The following CNTN4 variants were observed in gnomAD, a reference collection of about 807,000 sequenced individuals.
CNTN4 encodes the protein contactin 4.
CNTN4 carries 77 observed loss-of-function variants against 122.5 expected under a neutral mutation model. The observed-to-expected ratio is 0.63, with a 90% CI of 0.52 to 0.76. CNTN4 has a LOEUF of 0.76. Ranked by LOEUF, CNTN4 falls within the 30% of genes least tolerant of loss-of-function variation. CNTN4 has a pLI of 0.00. For missense variants in CNTN4, 1,256 were observed against 1,259.1 expected (o/e 1.00, Z 0.04); for synonymous variants, 512 against 447.0 (o/e 1.15, Z -1.83).
intron 3 of CNTN4, among the ~76,000 whole-genome samples, chr3:2,351,545 T>A (rs1306543025): frequency 6.6e-6 from 1 of 152,234 alleles, no homozygotes; most frequent in African/African-American, 2.4e-5. Context: ...TAAATATGTA[T>A]GATCTCACTT....
At chr3:2,414,216 T>G (rs1471919672) in intron 3 of CNTN4, among the ~76,000 whole-genome samples, 1 of 152,202 alleles carries the variant, frequency 6.6e-6, no homozygotes, top group Non-Finnish European at 1.5e-5. Context: ...TGATGATACT[T>G]GAATTATTTA....
intron 2 of CNTN4, among the ~76,000 whole-genome samples, chr3:2,216,520 A>G (rs939791079): frequency 6.6e-6 from 1 of 152,106 alleles, no homozygotes; most frequent in Non-Finnish European, 1.5e-5. Context: ...CTTCACATGT[A>G]CCCCGAACCT....
At chr3:2,232,190 G>A (rs192013339) in intron 2 of CNTN4, among the ~76,000 whole-genome samples, 6 of 152,170 alleles carry the variant, frequency 3.9e-5, no homozygotes, top group South Asian at 2.1e-4. Flanking sequence ...ACCAGAAATT[G>A]TGCTTATTTT....
At chr3:2,140,576 A>G (rs768386014) in intron 2 of CNTN4, among the ~76,000 whole-genome samples, 4 of 152,142 alleles carry the variant, frequency 2.6e-5, no homozygotes, top group Non-Finnish European at 5.9e-5. Flanking sequence ...AGCCTCTTTT[A>G]TAAGGGCGCT....
intron 2 of CNTN4, among the ~76,000 whole-genome samples, chr3:2,195,969 TACTC>T (rs143088868): frequency 4.9e-4 from 75 of 152,330 alleles, no homozygotes; most frequent in African/African-American, 1.5e-3. Context: ...TTTTGATAAA[TACTC>T]ACATGTTTGT....
chr3:2,762,965 T>G (rs6778928), intron 6 of CNTN4, among the ~76,000 whole-genome samples: 90,226 of 133,934 alleles, frequency 0.67, 32,478 homozygotes, highest in Non-Finnish European at 0.79. Context: ...TTTTTTAGAC[T>G]GAGTCTCGCT....
chr3:2,262,700 G>T (rs896607467), intron 2 of CNTN4, among the ~76,000 whole-genome samples: 4 of 149,866 alleles, frequency 2.7e-5, no homozygotes, highest in African/African-American at 4.9e-5. Flanking sequence ...GACTCAAGAT[G>T]ACTTTAAATA....
At chr3:2,700,751 T>G (rs997723342) in intron 4 of CNTN4, among the ~76,000 whole-genome samples, 4 of 152,206 alleles carry the variant, frequency 2.6e-5, no homozygotes, top group Non-Finnish European at 4.4e-5. Context: ...GGATATTCAA[T>G]TAAACCTTCC....
intron 13 of CNTN4, among the ~76,000 whole-genome samples, chr3:2,941,899 C>T (rs973355174): frequency 2.6e-5 from 4 of 152,184 alleles, no homozygotes; most frequent in East Asian, 1.9e-4. Context: ...CTCTCCCTAC[C>T]TGTACGTGCC....
intron 2 of CNTN4, among the ~76,000 whole-genome samples, chr3:2,127,962 C>T (rs539061953): frequency 6.6e-6 from 1 of 152,262 alleles, no homozygotes; most frequent in East Asian, 1.9e-4. Context: ...TCAAGCAGAG[C>T]GAGGAAAATA....
At chr3:3,047,540 C>A (rs13062608) in intron 23 of CNTN4, among the ~76,000 whole-genome samples, 2 of 144,128 alleles carry the variant, frequency 1.4e-5, no homozygotes, top group Admixed American at 7.0e-5. Flanking sequence ...GGGTACATAA[C>A]GAAATGAAGG....
intron 3 of CNTN4, among the ~76,000 whole-genome samples, chr3:2,549,295 C>G (rs2078381626): frequency 6.6e-6 from 1 of 152,104 alleles, no homozygotes; most frequent in South Asian, 2.1e-4. Flanking sequence ...AAAGGGAATG[C>G]TTCCAGCTTT....
chr3:2,687,549 G>A (rs192534049), intron 4 of CNTN4, among the ~76,000 whole-genome samples: 1 of 152,110 alleles, frequency 6.6e-6, no homozygotes, highest in Non-Finnish European at 1.5e-5. Context: ...TGTAGTCCCA[G>A]CTACTTGGGA....
At chr3:2,735,936 G>C (rs760075034) in intron 4 of CNTN4, 1 of 558,618 alleles carries the variant, frequency 1.8e-6, no homozygotes, top group South Asian at 1.4e-5. Context: ...ACAATACATA[G>C]AAGAGAGAAA....
intron 14 of CNTN4, among the ~76,000 whole-genome samples, chr3:3,006,003 A>G (rs1408480620): frequency 6.7e-6 from 1 of 149,972 alleles, no homozygotes; most frequent in Non-Finnish European, 1.5e-5. Context: ...CTCGTGCCTC[A>G]GCCTCCCAAG....
intron 2 of CNTN4, among the ~76,000 whole-genome samples, chr3:2,122,292 C>T (rs1401669327): frequency 6.6e-6 from 1 of 152,016 alleles, no homozygotes; most frequent in Admixed American, 6.6e-5. Flanking sequence ...GACAATGTTA[C>T]TATTATTTGT....
At chr3:2,923,317 C>CTT (rs58075798) in intron 12 of CNTN4, among the ~76,000 whole-genome samples, 21 of 148,034 alleles carry the variant, frequency 1.4e-4, no homozygotes, top group South Asian at 2.2e-4. Context: ...GAATACCTGA[C>CTT]TTTTTTTTTT....
chr3:2,281,338 T>C (rs2041706490), intron 2 of CNTN4, among the ~76,000 whole-genome samples: 1 of 152,126 alleles, frequency 6.6e-6, no homozygotes, highest in Non-Finnish European at 1.5e-5. Flanking sequence ...CATGATAAAA[T>C]GCCTAGTACA....
intron 3 of CNTN4, among the ~76,000 whole-genome samples, chr3:2,562,845 TCA>T (rs1381404470): frequency 3.9e-5 from 6 of 152,170 alleles, no homozygotes; most frequent in African/African-American, 1.4e-4. Flanking sequence ...CACCTCAGCC[TCA>T]CAAGTAACTG....
Sources: gnomAD v4.1 joint callset for allele counts (sites outside exome capture counted in the v4.1 genomes callset) on GRCh38, gnomAD v4.1.1 for gene constraint, MANE v1.5 for transcripts, NCBI Gene and HGNC (gene_info 2026-07-23, HGNC 2026-07-21) for gene names.